The following RGS9 variants were observed in gnomAD, a reference collection of about 807,000 sequenced individuals.
RGS9 encodes regulator of G protein signaling 9.
Under a neutral mutation model 102.0 loss-of-function variants are expected in RGS9, and 78 were observed. The observed-to-expected ratio is 0.76, with a 90% confidence interval of 0.64 to 0.92. The LOEUF (loss-of-function observed/expected upper bound fraction) is 0.92, where lower values mean the gene tolerates loss of function less well. Among genes scored for constraint, RGS9 ranks in the 40% least tolerant of loss-of-function variants. The pLI, the probability that RGS9 is intolerant of heterozygous loss-of-function variation, is 0.00. For synonymous variants in RGS9, 353 were observed against 318.6 expected (o/e 1.11, Z -1.15); for missense variants, 833 against 866.1 (o/e 0.96, Z 0.48).
At chr17:65,202,919 T>C (rs1212380736) in intron 14 of RGS9, among the ~76,000 whole-genome samples, 1 of 152,206 alleles carries the variant, frequency 6.6e-6, no homozygotes, top group East Asian at 1.9e-4. Flanking sequence ...ACATGAGTCC[T>C]GGATACTGAG....
intron 9 of RGS9, among the ~76,000 whole-genome samples, chr17:65,183,115 C>CTATCTATCCAT (rs1598594923): frequency 1.1e-5 from 1 of 92,330 alleles, no homozygotes; most frequent in South Asian, 2.7e-4. Flanking sequence ...TATCTACCTA[C>CTATCTATCCAT]CTACCTACAT....
At chr17:65,195,370 G>C (rs924881907) in intron 12 of RGS9, among the ~76,000 whole-genome samples, 2 of 152,114 alleles carry the variant, frequency 1.3e-5, no homozygotes, top group Non-Finnish European at 2.9e-5. Context: ...GAGGGCACTG[G>C]GTGGGTGACA....
intron 16 of RGS9, among the ~76,000 whole-genome samples, chr17:65,208,799 A>G (rs1195984597): frequency 1.3e-5 from 2 of 152,022 alleles, no homozygotes; most frequent in Non-Finnish European, 2.9e-5. Flanking sequence ...TCTTCCATCA[A>G]TTCAAAAGGG....
rs1441750735 is a variant in RGS9, at chr17:65,177,809, T to C, written c.654+6T>C. ...ATGAAGTCAAGGTAAACCAGGTATGTCTCTGCTGCATAGTTTGGGTAGGGC... is the reference window on the plus strand; with the variant it reads ...ATGAAGTCAAGGTAAACCAGGTATGCCTCTGCTGCATAGTTTGGGTAGGGC... On this transcript the variant is annotated splice_donor_region_variant and intron_variant, in intron 9 of 18. Coordinates refer to ENST00000262406, the MANE Select transcript of RGS9 (RefSeq NM_003835.4). The C allele has an allele frequency of 6.2e-7, 1 of 1,613,550 alleles. No homozygotes were observed. The highest frequency in any genetic ancestry group is 8.5e-7 in the Non-Finnish European group (1 of 1,179,432).
intron 6 of RGS9, among the ~76,000 whole-genome samples, chr17:65,162,083 G>A (rs1350467515): frequency 6.6e-6 from 1 of 152,134 alleles, no homozygotes; most frequent in African/African-American, 2.4e-5. Context: ...AATTTGTGAT[G>A]CTCTGTTGTT....
rs1240986611 is a variant in RGS9, at chr17:65,225,403, C to T, written c.1809C>T (p.Cys603=). ...TCTTTGCCAGGCTCTCACCCAAGTG[C>T]CCTGCTGTGTCCCACGGGAGGGTGC... The part of the protein sequence containing the change: ...SPVFARLSPK[C]PAVSHGRVQP... Residue 603 remains cysteine (C), a synonymous_variant, in exon 18 of 19, where the codon TGC becomes TGT. Transcript: ENST00000262406. 2 of 1,611,340 alleles carry T rather than the reference C, an allele frequency of 1.2e-6. No individual in the cohort carries two copies. Among genetic ancestry groups the T allele is most frequent in the Non-Finnish European group, 1.7e-6 (2 of 1,180,052 alleles).
intron 9 of RGS9, among the ~76,000 whole-genome samples, chr17:65,182,457 C>T (rs946283893): frequency 2.6e-5 from 4 of 152,184 alleles, no homozygotes; most frequent in Non-Finnish European, 5.9e-5. Flanking sequence ...AGGGTGGCTC[C>T]CCCAAGGACA....
chr17:65,202,444 T>TGTGTGTGTGTGTGTGAGAGA (rs3838367), intron 14 of RGS9, among the ~76,000 whole-genome samples: 20 of 131,784 alleles, frequency 1.5e-4, no homozygotes, highest in Admixed American at 6.9e-4. Context: ...TGTGTGTGTG[T>TGTGTGTGTGTGTGTGAGAGA]GAGAGAGAGA....
chr17:65,194,935 T>C (rs1040993417), intron 12 of RGS9, among the ~76,000 whole-genome samples: 4 of 152,198 alleles, frequency 2.6e-5, no homozygotes, highest in Non-Finnish European at 5.9e-5. Context: ...CTGGTACCTA[T>C]TCCACGTGGC....
intron 8 of RGS9, among the ~76,000 whole-genome samples, chr17:65,174,511 ATATG>A (rs1214747099): frequency 2.0e-5 from 3 of 151,724 alleles, no homozygotes; most frequent in Non-Finnish European, 2.9e-5. Context: ...GTATGTGAGA[ATATG>A]TATGTATGTG....
At chr17:65,198,623 AC>A (rs1912693302) in intron 13 of RGS9, among the ~76,000 whole-genome samples, 1 of 152,242 alleles carries the variant, frequency 6.6e-6, no homozygotes, top group Non-Finnish European at 1.5e-5. Flanking sequence ...CCAGATCAGA[AC>A]CAGGCTGTGC....
intron 8 of RGS9, among the ~76,000 whole-genome samples, chr17:65,168,533 C>T (rs900815327): frequency 4.4e-5 from 6 of 135,242 alleles, no homozygotes; most frequent in African/African-American, 1.1e-4. Flanking sequence ...TTGTCTTTTA[C>T]GAGGGCTGGG....
chr17:65,151,254 A>C (rs1910566900), intron 1 of RGS9, among the ~76,000 whole-genome samples: 1 of 152,036 alleles, frequency 6.6e-6, no homozygotes, highest in South Asian at 2.1e-4. Flanking sequence ...CCGAGGTAGG[A>C]CAATTGCTTG....
intron 7 of RGS9, among the ~76,000 whole-genome samples, chr17:65,164,414 G>A (rs1462842628): frequency 6.6e-6 from 1 of 152,198 alleles, no homozygotes; most frequent in Admixed American, 6.5e-5. Flanking sequence ...CTAGGTGCCT[G>A]AGAAGAGGGA....
chr17:65,190,130 G>T, intron 10 of RGS9, 45 bp from the exon 11 acceptor site: 1 of 1,451,664 alleles, frequency 6.9e-7, no homozygotes, highest in Non-Finnish European at 9.7e-7. Context: ...GACACTGAAG[G>T]GTGGGAGGGG....
chr17:65,181,814 A>G, intron 9 of RGS9, among the ~76,000 whole-genome samples: 1 of 152,234 alleles, frequency 6.6e-6, no homozygotes, highest in East Asian at 1.9e-4. Context: ...GAAGCATGCT[A>G]GTTCCTTCAT....
rs139889383 is a variant in RGS9, at chr17:65,161,708, A to T, written c.423+799A>T. Reference sequence around the variant, plus strand: ...TTGCTGTGTTTTTATTTTTATTTATATATTTATTTATTTATTTATTTATTT... The same window carrying T: ...TTGCTGTGTTTTTATTTTTATTTATTTATTTATTTATTTATTTATTTATTT... On this transcript the variant is annotated intron_variant, in intron 6 of 18. Transcript: ENST00000262406. Among the ~76,000 whole-genome samples, 508 of 137,304 alleles carry T rather than the reference A, an allele frequency of 3.7e-3. 2 individuals are homozygous for T. Among genetic ancestry groups the T allele is most frequent in the African/African-American group, 0.015 (422 of 29,102 alleles). 90.1% of individuals were successfully genotyped at this position (137,304 alleles called of 152,430 possible). A position where few individuals can be genotyped will look rare whatever the true frequency, so the allele number is the denominator to read the frequency against.
rs1268613512 is a variant in RGS9 at position 65,173,044 on chromosome 17, T to A, written c.583-4688T>A. 6.6e-6 allele frequency among the ~76,000 whole-genome samples: 1 copy of A among 152,084 alleles called. No individual in the cohort carries two copies. The highest frequency in any genetic ancestry group is 1.5e-5 in the Non-Finnish European group (1 of 68,008). On this transcript the variant is annotated intron_variant, in intron 8 of 18. Transcript: ENST00000262406. This position sits in a 1 kb window ranked among gnomAD's most constrained non-coding sequence, Gnocchi z 4.8. ...TTCCAGCGATTCTCCTGCCTCAGCCTGCCGAGTAGCTGGAATTACAGGTGT... is the reference window on the plus strand; with the variant it reads ...TTCCAGCGATTCTCCTGCCTCAGCCAGCCGAGTAGCTGGAATTACAGGTGT...
chr17:65,192,997 G>T (rs1477523033), intron 11 of RGS9, among the ~76,000 whole-genome samples: 2 of 151,856 alleles, frequency 1.3e-5, no homozygotes, highest in Non-Finnish European at 2.9e-5. Context: ...GGGCATGGTG[G>T]CTCACACCTG....
Sources: allele counts gnomAD v4.1 joint callset (sites outside exome capture counted in the v4.1 genomes callset), GRCh38; gene constraint gnomAD v4.1.1; non-coding constraint Gnocchi (gnomAD v3.1); transcripts MANE v1.5; gene names NCBI Gene and HGNC (gene_info 2026-07-23, HGNC 2026-07-21).